Variants in ADGRD1 observed in about 807,000 individuals in gnomAD.
ADGRD1 encodes the protein adhesion G protein-coupled receptor D1.
In ADGRD1, 77 loss-of-function variants were observed where a neutral mutation model predicts 113.4. The observed-to-expected ratio is 0.68, with a 90% CI of 0.57 to 0.82. The LOEUF (loss-of-function observed/expected upper bound fraction) is 0.82, where lower values mean the gene tolerates loss of function less well. ADGRD1 is among the 40% of genes least tolerant of loss of function. ADGRD1 has a pLI of 0.00. For missense variants in ADGRD1, 1,036 were observed against 1,139.1 expected (o/e 0.91, Z 1.30); for synonymous variants, 474 against 475.0 (o/e 1.00, Z 0.03).
rs540341636 is a variant in ADGRD1, at chr12:130,996,937, C to T, written c.967-3446C>T. On this transcript the variant is annotated intron_variant, in intron 8 of 24. Coordinates refer to ENST00000261654, the MANE Select transcript of ADGRD1 (RefSeq NM_198827.5). ...GCAGAGGAGCCCCTCACCTCCCGGACGGGGTGGCTGGCCGGGTGGGGGGCT... is the reference window on the plus strand; with the variant it reads ...GCAGAGGAGCCCCTCACCTCCCGGATGGGGTGGCTGGCCGGGTGGGGGGCT... 5.3e-5 allele frequency among the ~76,000 whole-genome samples: 7 copies of T among 132,220 alleles called. No individual in the cohort carries two copies. In the South Asian group the frequency reaches 7.3e-4, roughly 14 times the overall value. 86.7% of individuals were successfully genotyped at this position (132,220 alleles called of 152,430 possible). A position where few individuals can be genotyped will look rare whatever the true frequency, so the allele number is the denominator to read the frequency against.
At chr12:131,137,951 A>C (rs1176694643) in intron 23 of ADGRD1, 186 bp from the exon 24 acceptor site, 11 of 598,390 alleles carry the variant, frequency 1.8e-5, no homozygotes, top group Non-Finnish European at 3.0e-5. Flanking sequence ...CCTGCGATAC[A>C]ACCTGGCTCT....
At chr12:131,079,552 T>C (rs754826698) in intron 14 of ADGRD1, among the ~76,000 whole-genome samples, 2 of 152,222 alleles carry the variant, frequency 1.3e-5, no homozygotes, top group South Asian at 2.1e-4. Flanking sequence ...CTGTATAGAA[T>C]TGATATTATT....
At chr12:131,095,458 G>A (rs1186089087) in intron 15 of ADGRD1, among the ~76,000 whole-genome samples, 1 of 152,242 alleles carries the variant, frequency 6.6e-6, no homozygotes, top group Non-Finnish European at 1.5e-5. Context: ...TGCTGGGCTG[G>A]AGCCGCTCTG....
chr12:131,002,167 G>A (rs775251552), intron 9 of ADGRD1, among the ~76,000 whole-genome samples: 22 of 141,108 alleles, frequency 1.6e-4, no homozygotes, highest in Non-Finnish European at 2.3e-4. Flanking sequence ...CCAGGCAGAC[G>A]TATTTTGTGC....
Position 131,084,840 on chromosome 12 carries a change from G to A in ADGRD1, c.1671+177G>A, listed in dbSNP as rs755952637. Among the ~76,000 whole-genome samples the A allele has an allele frequency of 1.1e-4, 17 of 152,326 alleles. No individual in the cohort carries two copies. The highest frequency in any genetic ancestry group is 3.4e-3 in the Middle Eastern group (1 of 294). ...GCTTCTGTAGTCCAGGGTCCTGCAT[G>A]TATTGGGTGCCAGCAAATATCCGAG... is the stretch of plus-strand genomic sequence containing the variant. On this transcript the variant is annotated intron_variant, in intron 15 of 24. Coordinates refer to ENST00000261654, the MANE Select transcript of ADGRD1 (RefSeq NM_198827.5). The surrounding 1 kb of genome is among the most constrained non-coding windows in gnomAD (Gnocchi z 4.5).
Position 131,139,724 on chromosome 12 carries a change from T to C in ADGRD1, c.*461T>C. On this transcript the variant is annotated 3_prime_UTR_variant, in exon 25 of 25. Transcript: ENST00000261654. ...GCACCCTCAGTCAGGCGCAGGCAGC[T>C]GGGGGTGTGTGGGGAAGAGCATGCG... 1 of 159,182 alleles carries C rather than the reference T, an allele frequency of 6.3e-6. No homozygotes were observed. Among genetic ancestry groups the C allele is most frequent in the South Asian group, 1.8e-4 (1 of 5,490 alleles). The allele number at this position is 159,182 out of a possible 1,614,324, so 9.9% of individuals were successfully genotyped here. A position where few individuals can be genotyped will look rare whatever the true frequency, so the allele number is the denominator to read the frequency against.
chr12:131,007,085 G>A (rs1027489048), intron 12 of ADGRD1, among the ~76,000 whole-genome samples: 2 of 152,202 alleles, frequency 1.3e-5, no homozygotes, highest in African/African-American at 2.4e-5. Flanking sequence ...TGTCTTGTGC[G>A]GCCACAGTGA....
chr12:131,136,929 G>A (rs765617287), intron 22 of ADGRD1, 44 bp from the exon 23 acceptor site: 13 of 1,512,838 alleles, frequency 8.6e-6, no homozygotes, highest in Admixed American at 6.7e-5. Context: ...TCCTAACTAC[G>A]TGCAAAGGGC....
intron 4 of ADGRD1, among the ~76,000 whole-genome samples, chr12:130,975,984 A>G (rs184355779): frequency 7.6e-4 from 116 of 152,232 alleles, no homozygotes; most frequent in Admixed American, 1.2e-3. Context: ...CCTCACATGC[A>G]TTAAGAACTT....
chr12:130,973,927 T>TAAAGAA (rs1315012614), intron 4 of ADGRD1, among the ~76,000 whole-genome samples: 1 of 151,912 alleles, frequency 6.6e-6, no homozygotes, highest in African/African-American at 2.4e-5. Flanking sequence ...GTCTCTAACT[T>TAAAGAA]AAAGAAAAAG....
intron 8 of ADGRD1, 30 bp from the exon 9 acceptor site, chr12:131,000,353 G>A: frequency 2.5e-6 from 4 of 1,586,706 alleles, no homozygotes; most frequent in Non-Finnish European, 3.5e-6. Flanking sequence ...AAGGACAGGT[G>A]CTGAGCAGTG....
At chr12:131,000,130 A>G (rs1876162511) in intron 8 of ADGRD1, among the ~76,000 whole-genome samples, 1 of 152,212 alleles carries the variant, frequency 6.6e-6, no homozygotes. Context: ...GTCACTGAGC[A>G]GTGTTCATTC....
intron 15 of ADGRD1, among the ~76,000 whole-genome samples, chr12:131,091,544 G>A (rs964305985): frequency 1.9e-4 from 29 of 152,324 alleles, no homozygotes; most frequent in African/African-American, 6.3e-4. Flanking sequence ...AGGACAAGAC[G>A]TAGACTAGAG....
chr12:131,016,834 A>C (rs965377512), intron 13 of ADGRD1, among the ~76,000 whole-genome samples: 8 of 151,994 alleles, frequency 5.3e-5, no homozygotes, highest in Admixed American at 1.3e-4. Flanking sequence ...CAGAGGTTGC[A>C]GTGAGCAGAG....
intron 2 of ADGRD1, among the ~76,000 whole-genome samples, chr12:130,963,341 AAG>A (rs1372758597): frequency 0.014 from 1,587 of 116,562 alleles, 18 homozygotes; most frequent in African/African-American, 0.034. Context: ...AAAAAAAAAA[AAG>A]AAAGAAAAAT....
chr12:131,009,989 T>C (rs967541974), intron 12 of ADGRD1, among the ~76,000 whole-genome samples: 2 of 152,228 alleles, frequency 1.3e-5, no homozygotes, highest in South Asian at 2.1e-4. Flanking sequence ...TGGGCAGGAA[T>C]TGTGGCTGTT....
At chr12:131,000,867 A>G (rs1039692380) in intron 9 of ADGRD1, among the ~76,000 whole-genome samples, 1 of 152,132 alleles carries the variant, frequency 6.6e-6, no homozygotes, top group African/African-American at 2.4e-5. Flanking sequence ...CACATCCACA[A>G]AAAGAATGAT....
At position 130,987,138 on chromosome 12, in the gene ADGRD1, G is replaced by A. The variant is rs746177610; in HGVS notation, c.534G>A (p.Glu178=). 9.9e-6 allele frequency: 16 copies of A among 1,613,848 alleles called. No individual in the cohort carries two copies. The South Asian group carries it at 1.4e-4, about 14-fold the overall frequency. ...TCCTATTTACATGGAAATCCAAGGA[G>A]GGCCTGAAAGTCTACGTCAACGGGA... ...THVLFTWKSK[E]GLKVYVNGTL... is the part of the protein sequence containing the mutation. Residue 178 remains glutamate (E), a synonymous_variant, in exon 6 of 25, where the codon GAG becomes GAA. Coordinates refer to ENST00000261654, the MANE Select transcript of ADGRD1 (RefSeq NM_198827.5).
intron 13 of ADGRD1, among the ~76,000 whole-genome samples, chr12:131,038,800 C>A (rs1881814296): frequency 6.6e-6 from 1 of 152,234 alleles, no homozygotes; most frequent in African/African-American, 2.4e-5. Context: ...GTCCCCTAGA[C>A]CCGTCCTGTC....
Sources: gnomAD v4.1 joint callset for allele counts (sites outside exome capture counted in the v4.1 genomes callset) on GRCh38, gnomAD v4.1.1 for gene constraint, Gnocchi (gnomAD v3.1) non-coding constraint, MANE v1.5 for transcripts, NCBI Gene and HGNC (gene_info 2026-07-23, HGNC 2026-07-21) for gene names.